The following B3GNT5 variants were observed in gnomAD, a reference collection of about 807,000 sequenced individuals.
B3GNT5 encodes lactosylceramide 1,3-N-acetyl-beta-D-glucosaminyltransferase.
B3GNT5 carries 11 observed loss-of-function variants against 25.9 expected under a neutral mutation model. The observed-to-expected ratio is 0.42, with a 90% confidence interval of 0.27 to 0.70. The LOEUF (loss-of-function observed/expected upper bound fraction) is 0.70, where lower values mean the gene tolerates loss of function less well. Ranked by LOEUF, B3GNT5 falls within the 30% of genes least tolerant of loss-of-function variation. B3GNT5 has a pLI of 0.23. For synonymous variants in B3GNT5, 166 were observed against 158.6 expected, an observed-to-expected ratio of 1.05 and a Z score of -0.35; for missense variants, 385 against 458.4, an observed-to-expected ratio of 0.84 and a Z score of 1.46.
At chr3:183,259,302 T>C (rs1457738029) in intron 1 of B3GNT5, among the ~76,000 whole-genome samples, 2 of 152,118 alleles carry the variant, frequency 1.3e-5, no homozygotes, top group Non-Finnish European at 2.9e-5. Flanking sequence ...GGAGTCCTAG[T>C]GGGGTGGCAG....
intron 1 of B3GNT5, among the ~76,000 whole-genome samples, chr3:183,257,944 C>T (rs899806142): frequency 1.8e-4 from 27 of 149,202 alleles, no homozygotes; most frequent in Non-Finnish European, 3.2e-4. Flanking sequence ...ATTCCTTGCT[C>T]CCTCCACTTC....
rs1726739870 is a variant in B3GNT5, at chr3:183,271,139, T to C, written c.*204T>C. 1 of 459,812 alleles carries C rather than the reference T, an allele frequency of 2.2e-6. No homozygotes were observed. Among genetic ancestry groups the C allele is most frequent in the African/African-American group, 2.0e-5 (1 of 48,904 alleles). 28.5% of individuals were successfully genotyped at this position (459,812 alleles called of 1,614,324 possible). A position where few individuals can be genotyped will look rare whatever the true frequency, so the allele number is the denominator to read the frequency against. On this transcript the variant is annotated 3_prime_UTR_variant, in exon 2 of 2. Coordinates refer to ENST00000326505, the MANE Select transcript of B3GNT5 (RefSeq NM_032047.5). ...TTGCCTAAGTTCATTTCAAAGAATTTGTATTTAGAAAAGGTTTATATTATT... is the reference window on the plus strand; with the variant it reads ...TTGCCTAAGTTCATTTCAAAGAATTCGTATTTAGAAAAGGTTTATATTATT...
At chr3:183,255,278 G>T (rs1276170049) in intron 1 of B3GNT5, among the ~76,000 whole-genome samples, 1 of 152,192 alleles carries the variant, frequency 6.6e-6, no homozygotes, top group East Asian at 1.9e-4. Flanking sequence ...CTGAAAGGGT[G>T]ATTAGTGATC....
At chr3:183,269,168 C>A (rs1477804825) in intron 1 of B3GNT5, among the ~76,000 whole-genome samples, 1 of 143,410 alleles carries the variant, frequency 7.0e-6, no homozygotes, top group African/African-American at 2.7e-5. Flanking sequence ...TCAGTATATT[C>A]ATGAATGTAC....
chr3:183,261,260 T>C (rs1002108284), intron 1 of B3GNT5, among the ~76,000 whole-genome samples: 4 of 152,192 alleles, frequency 2.6e-5, no homozygotes, highest in Admixed American at 2.0e-4. Flanking sequence ...CTGATCTCTC[T>C]CAACAAGGCA....
At chr3:183,257,980 TTTTTTG>T (rs1400336893) in intron 1 of B3GNT5, among the ~76,000 whole-genome samples, 1 of 144,152 alleles carries the variant, frequency 6.9e-6, no homozygotes, top group African/African-American at 2.6e-5. Context: ...TTTTTTTTTT[TTTTTTG>T]AGACGGAGTC....
In B3GNT5 at chr3:183,270,171, A is replaced by C; in HGVS notation, c.373A>C (p.Ile125Leu). Residue 125 changes from isoleucine to leucine, a missense_variant, in exon 2 of 2, where the codon ATC becomes CTC. Physicochemically the swap from Ile to Leu is conservative, Grantham distance 5. Transcript: ENST00000326505. The surrounding 1 kb of genome is among the most constrained non-coding windows in gnomAD (Gnocchi z 4.5). Reference sequence around the variant, plus strand: ...TGTTCGGTCTCAGCTGAATGCCAACATCAAAACTCTGTTTGCCTTAGGAAC... The same window carrying C: ...TGTTCGGTCTCAGCTGAATGCCAACCTCAAAACTCTGTTTGCCTTAGGAAC... The part of the protein sequence containing the change: ...NYVRSQLNAN[I>L]KTLFALGTPN... 6.2e-7 allele frequency: 1 copy of C among 1,614,198 alleles called. No homozygotes were observed. The highest frequency in any genetic ancestry group is 8.5e-7 in the Non-Finnish European group (1 of 1,180,030).
intron 1 of B3GNT5, among the ~76,000 whole-genome samples, chr3:183,261,152 T>C (rs183962035): frequency 1.6e-3 from 243 of 152,358 alleles, no homozygotes; most frequent in African/African-American, 5.7e-3. Context: ...TAGTAACTAG[T>C]TATATTTCTT....
chr3:183,263,548 C>T (rs1336612465), intron 1 of B3GNT5, among the ~76,000 whole-genome samples: 2 of 152,018 alleles, frequency 1.3e-5, no homozygotes, highest in East Asian at 1.9e-4. Context: ...TCTCCTTCTC[C>T]GGAGTTTATT....
rs1441205037 is a variant in B3GNT5, at chr3:183,271,937, C to T, written c.*1002C>T. The T allele has an allele frequency of 5.7e-6, 1 of 174,470 alleles. No homozygotes were observed. Among genetic ancestry groups the T allele is most frequent in the East Asian group, 1.9e-4 (1 of 5,228 alleles). The allele number at this position is 174,470 out of a possible 1,614,324, so 10.8% of individuals were successfully genotyped here. A position where few individuals can be genotyped will look rare whatever the true frequency, so the allele number is the denominator to read the frequency against. On this transcript the variant is annotated 3_prime_UTR_variant, in exon 2 of 2. Coordinates refer to ENST00000326505, the MANE Select transcript of B3GNT5 (RefSeq NM_032047.5). ...TACTGATTACTAAAATTAACCCACT[C>T]CTCCCCAACAAGGTCTTATAAACCA...
At chr3:183,254,343 C>G (rs1724821895) in intron 1 of B3GNT5, 1 of 151,896 alleles carries the variant, frequency 6.6e-6, no homozygotes, top group Non-Finnish European at 1.5e-5. Context: ...GTCGGGAAGC[C>G]GGGGAGGCCT....
Position 183,272,437 on chromosome 3 carries a change from G to A in B3GNT5, c.*1502G>A, listed in dbSNP as rs575698329. 346 of 999,870 alleles carry A rather than the reference G, an allele frequency of 3.5e-4. 1 individual carries two copies. The Middle Eastern group carries it at 7.3e-3, about 21-fold the overall frequency. 61.9% of individuals were successfully genotyped at this position (999,870 alleles called of 1,614,324 possible). ...ATGTCGGAAACACGCAAAACAAAAC[G>A]AAAAAAGATTTCTCAGTATACACAA... is the stretch of plus-strand genomic sequence containing the variant. On this transcript the variant is annotated 3_prime_UTR_variant, in exon 2 of 2. Transcript: ENST00000326505.
chr3:183,256,399 CTTTATA>C (rs1368012587), intron 1 of B3GNT5, among the ~76,000 whole-genome samples: 1 of 152,160 alleles, frequency 6.6e-6, no homozygotes, highest in African/African-American at 2.4e-5. Flanking sequence ...ATGTAAGAAT[CTTTATA>C]TTTAAAGGAT....
chr3:183,261,686 A>G (rs989018507), intron 1 of B3GNT5, among the ~76,000 whole-genome samples: 1 of 152,154 alleles, frequency 6.6e-6, no homozygotes, highest in African/African-American at 2.4e-5. Flanking sequence ...GTTTCACTAC[A>G]GTATTTTATT....
rs1189031331 is a variant in B3GNT5, at chr3:183,267,319, C to T, written c.-301-2179C>T. 6.6e-6 allele frequency among the ~76,000 whole-genome samples: 1 copy of T among 152,222 alleles called. No homozygotes were observed. Among genetic ancestry groups the T allele is most frequent in the Non-Finnish European group, 1.5e-5 (1 of 68,038 alleles). The stretch of plus-strand genomic sequence containing the variant: ...TATACTGATTATCTCTGGACAAAGT[C>T]TGAATGGGGCTTGGCTCTAATCTCT... On this transcript the variant is annotated intron_variant, in intron 1 of 1. Coordinates refer to ENST00000326505, the MANE Select transcript of B3GNT5 (RefSeq NM_032047.5). This position sits in a 1 kb window ranked among gnomAD's most constrained non-coding sequence, Gnocchi z 5.5.
intron 1 of B3GNT5, 187 bp downstream of exon 1, chr3:183,253,659 G>A (rs1370189132): frequency 6.6e-6 from 1 of 152,326 alleles, no homozygotes; most frequent in Non-Finnish European, 1.5e-5. Flanking sequence ...GCCTGCGTTA[G>A]AGCTCCCGCT....
At chr3:183,268,328 C>T (rs1347395325) in intron 1 of B3GNT5, among the ~76,000 whole-genome samples, 3 of 152,120 alleles carry the variant, frequency 2.0e-5, no homozygotes, top group Non-Finnish European at 4.4e-5. Context: ...TAAAAGAGCT[C>T]AGTTTGTCTC....
intron 1 of B3GNT5, among the ~76,000 whole-genome samples, chr3:183,263,070 G>C (rs1178019530): frequency 6.6e-6 from 1 of 152,142 alleles, no homozygotes; most frequent in African/African-American, 2.4e-5. Context: ...TGAATATTTA[G>C]AAGTTGCAGC....
intron 1 of B3GNT5, among the ~76,000 whole-genome samples, chr3:183,259,521 C>G (rs1366721452): frequency 6.6e-6 from 1 of 152,158 alleles, no homozygotes; most frequent in African/African-American, 2.4e-5. Flanking sequence ...AATATATCTT[C>G]AGATTTTCCC....
Sources: gnomAD v4.1 joint callset for allele counts (sites outside exome capture counted in the v4.1 genomes callset) on GRCh38, gnomAD v4.1.1 for gene constraint, Gnocchi (gnomAD v3.1) non-coding constraint, MANE v1.5 for transcripts, NCBI Gene and HGNC (gene_info 2026-07-23, HGNC 2026-07-21) for gene names.